Variants in BRD4 observed in about 807,000 individuals in gnomAD.
BRD4 encodes bromodomain-containing protein 4.
A neutral mutation model predicts 142.1 loss-of-function variants in BRD4; 16 were observed. That is an observed-to-expected ratio of 0.11 (90% CI 0.08 to 0.17). The LOEUF (loss-of-function observed/expected upper bound fraction) is 0.17. Among genes scored for constraint, BRD4 ranks in the 10% least tolerant of loss-of-function variants. The pLI, the probability that BRD4 is intolerant of heterozygous loss-of-function variation, is 1.00. For synonymous variants in BRD4, 833 were observed against 707.5 expected, an observed-to-expected ratio of 1.18 and a Z score of -2.82; for missense variants, 1,424 against 1,810.9, an observed-to-expected ratio of 0.79 and a Z score of 3.88.
intron 1 of BRD4, among the ~76,000 whole-genome samples, chr19:15,308,322 C>T (rs981970269): frequency 6.6e-6 from 1 of 151,380 alleles, no homozygotes; most frequent in Non-Finnish European, 1.5e-5. Context: ...GGCGCGGTGG[C>T]TCACCCCTGT....
intron 1 of BRD4, among the ~76,000 whole-genome samples, chr19:15,328,468 AAC>A (rs2048128548): frequency 6.6e-6 from 1 of 152,158 alleles, no homozygotes; most frequent in Admixed American, 6.6e-5. Context: ...AGTGCATGGA[AAC>A]ACACTGCATG....
At chr19:15,282,786 T>C (rs956962650) in intron 1 of BRD4, among the ~76,000 whole-genome samples, 2 of 152,166 alleles carry the variant, frequency 1.3e-5, no homozygotes, top group Non-Finnish European at 2.9e-5. Context: ...CTGTGGGGTA[T>C]GTGGCACTGA....
chr19:15,242,957 G>T lies in BRD4; in HGVS notation c.3112C>A (p.Gln1038Lys). Residue 1038 changes from glutamine to lysine, a missense_variant, in exon 14 of 20, where the codon CAA becomes AAA. Around this residue, in one of 16 missense-constraint regions of BRD4, gnomAD observed 598 missense variants for 647.8 expected, o/e 0.92. Coordinates refer to ENST00000679869, the MANE Select transcript of BRD4 (RefSeq NM_001379291.1). Reference sequence around the variant, plus strand: ...GGTGAATGGTGGTGCTGGATGACTTGCTGAGGCTTGGCAGGCTGCGGCGGG... The same window carrying T: ...GGTGAATGGTGGTGCTGGATGACTTTCTGAGGCTTGGCAGGCTGCGGCGGG... Reference protein sequence around the residue: ...PPPPQPAKPQQVIQHHHSPRH... With the variant: ...PPPPQPAKPQKVIQHHHSPRH... The T allele has an allele frequency of 6.2e-7, 1 of 1,603,992 alleles. No homozygotes were observed. The highest frequency in any genetic ancestry group is 2.2e-5 in the East Asian group (1 of 44,590).
intron 1 of BRD4, among the ~76,000 whole-genome samples, chr19:15,320,172 T>C (rs1290445672): frequency 1.3e-5 from 2 of 152,186 alleles, no homozygotes; most frequent in Non-Finnish European, 2.9e-5. Flanking sequence ...GTCAGTCCCA[T>C]TCTTAGCCAC....
chr19:15,262,524 T>C (rs1414224856), intron 7 of BRD4, among the ~76,000 whole-genome samples: 1 of 97,798 alleles, frequency 1.0e-5, no homozygotes, highest in African/African-American at 3.8e-5. Context: ...CCCATCTCTT[T>C]AAAAAAAAAA....
intron 11 of BRD4, chr19:15,249,059 C>T (rs2047317232): frequency 3.1e-6 from 2 of 647,986 alleles, no homozygotes; most frequent in Non-Finnish European, 2.7e-6. Flanking sequence ...CACAGAGAGG[C>T]CTGGGCGGCT....
intron 1 of BRD4, among the ~76,000 whole-genome samples, chr19:15,318,784 C>A (rs1477975541): frequency 2.0e-5 from 3 of 151,914 alleles, no homozygotes; most frequent in Non-Finnish European, 4.4e-5. Context: ...AGTGTAGAGC[C>A]CTAGTTCCAA....
At chr19:15,283,384 A>G (rs2047719013) in intron 1 of BRD4, among the ~76,000 whole-genome samples, 1 of 152,238 alleles carries the variant, frequency 6.6e-6, no homozygotes, top group Non-Finnish European at 1.5e-5. Flanking sequence ...CCCATTGCAA[A>G]CAAAAGCATA....
rs374472516 is a variant in BRD4, at chr19:15,330,831, TA to T, written c.-35+1458del. 1.5e-3 allele frequency among the ~76,000 whole-genome samples: 229 copies of T among 152,304 alleles called. 3 individuals carry two copies. Among genetic ancestry groups the T allele is most frequent in the African/African-American group, 5.4e-3 (225 of 41,556 alleles). ...GTGCCATCAAAAACTTTCTTGAAAT[TA>T]AAAACACATTCATAAATCCTTTTGA... On this transcript the variant is annotated intron_variant, in intron 1 of 19. Coordinates refer to ENST00000679869, the MANE Select transcript of BRD4 (RefSeq NM_001379291.1).
intron 1 of BRD4, among the ~76,000 whole-genome samples, chr19:15,331,553 AG>A (rs1234345613): frequency 6.6e-6 from 1 of 152,182 alleles, no homozygotes; most frequent in African/African-American, 2.4e-5. Flanking sequence ...GCTCGCCTCC[AG>A]GGCACCGCTC....
intron 1 of BRD4, among the ~76,000 whole-genome samples, chr19:15,278,130 A>T (rs2047668795): frequency 6.7e-6 from 1 of 149,080 alleles, no homozygotes. Context: ...AAAAAAAAAA[A>T]AAAAAAAAAA....
Position 15,255,523 on chromosome 19 carries a change from G to C in BRD4, c.1821C>G (p.Cys607Trp). Residue 607 changes from cysteine (C) to tryptophan (W), a missense_variant, in exon 10 of 20, where the codon TGC (cysteine) becomes TGG (tryptophan). This residue lies in a region of BRD4 where 46 missense variants were observed against 110.4 expected (regional missense o/e 0.42). Transcript: ENST00000679869. ...PTYESEEEDK[C>W]KPMSYEEKRQ... ...GCTTCTCCTCATAGGACATAGGCTT[G>C]CACTTGTCCTCTTCCTCCGACTCAT... 1 of 1,614,060 alleles carries C rather than the reference G, an allele frequency of 6.2e-7. No individual in the cohort carries two copies. The highest frequency in any genetic ancestry group is 8.5e-7 in the Non-Finnish European group (1 of 1,179,920).
Position 15,273,041 on chromosome 19 carries a change from C to T in BRD4, c.59G>A (p.Gly20Glu), listed in dbSNP as rs1290547844. The change falls in exon 2 of 20, where the codon GGA (glycine) becomes GAA (glutamate). Residue 20 changes from glycine (G) to glutamate (E), a missense_variant. Coordinates refer to ENST00000679869, the MANE Select transcript of BRD4 (RefSeq NM_001379291.1). ...RLRNLPVMGD[G>E]LETSQMSTTQ... ...TGTAGACATTTGGGAAGTTTCTAGT[C>T]CATCCCCCATTACTGGCAGATTTCT... is the stretch of plus-strand genomic sequence containing the variant. 1 of 1,612,964 alleles carries T rather than the reference C, an allele frequency of 6.2e-7. No homozygotes were observed.
At chr19:15,322,104 C>A (rs1347368668) in intron 1 of BRD4, among the ~76,000 whole-genome samples, 1 of 150,308 alleles carries the variant, frequency 6.7e-6, no homozygotes, top group Admixed American at 6.8e-5. Flanking sequence ...TCTGACATGA[C>A]CCCCCCATAA....
intron 1 of BRD4, among the ~76,000 whole-genome samples, chr19:15,293,138 A>C (rs929381301): frequency 6.6e-6 from 1 of 152,110 alleles, no homozygotes; most frequent in Non-Finnish European, 1.5e-5. Flanking sequence ...TAAATAAATA[A>C]GCTCATCTTT....
intron 1 of BRD4, among the ~76,000 whole-genome samples, chr19:15,293,402 G>C (rs190015371): frequency 6.6e-6 from 1 of 152,288 alleles, no homozygotes; most frequent in African/African-American, 2.4e-5. Flanking sequence ...CCATTAAAAG[G>C]AGAGTAGCAG....
chr19:15,289,936 A>C (rs189039604), intron 1 of BRD4, among the ~76,000 whole-genome samples: 1 of 152,346 alleles, frequency 6.6e-6, no homozygotes, highest in East Asian at 1.9e-4. Flanking sequence ...CAAGTGAGGG[A>C]AGGCTTTCCA....
chr19:15,243,493 A>G lies in BRD4; in HGVS notation c.2582-6T>C. On this transcript the variant is annotated splice_polypyrimidine_tract_variant and splice_region_variant and intron_variant, in intron 13 of 19. Transcript: ENST00000679869. ...GGGTAGTGCGTTGTGCAAAGCTGGA[A>G]GAACACAACACCGAGGCGGTGAGGC... 6.4e-7 allele frequency: 1 copy of G among 1,551,248 alleles called. No homozygotes were observed. Among genetic ancestry groups the G allele is most frequent in the Admixed American group, 2.0e-5 (1 of 50,738 alleles).
chr19:15,280,300 C>A, intron 1 of BRD4: 1 of 1,010,986 alleles, frequency 9.9e-7, no homozygotes, highest in African/African-American at 1.7e-5. Flanking sequence ...GGCAGAGGCC[C>A]AGTCATCCTA....
Sources: gnomAD v4.1 joint callset for allele counts (sites outside exome capture counted in the v4.1 genomes callset) on GRCh38, gnomAD v4.1.1 for gene constraint, gnomAD v4.1.1 regional missense constraint, MANE v1.5 for transcripts, NCBI Gene and HGNC (gene_info 2026-07-23, HGNC 2026-07-21) for gene names.